Variants in ARHGAP32 observed in about 807,000 individuals in gnomAD.
The protein encoded by ARHGAP32 is rho GTPase-activating protein 32.
In ARHGAP32, 51 loss-of-function variants were observed where a neutral mutation model predicts 186.5. The observed-to-expected ratio is 0.27, with a 90% confidence interval of 0.22 to 0.35. ARHGAP32 has a LOEUF of 0.35. Among genes scored for constraint, ARHGAP32 ranks in the 10% least tolerant of loss-of-function variants. The pLI is 1.00. For missense variants in ARHGAP32, 2,186 were observed against 2,623.5 expected (o/e 0.83, Z 3.64); for synonymous variants, 950 against 964.3 (o/e 0.99, Z 0.27).
intron 1 of ARHGAP32, among the ~76,000 whole-genome samples, chr11:129,214,902 G>A (rs1017329911): frequency 2.6e-5 from 4 of 152,158 alleles, no homozygotes; most frequent in Admixed American, 2.6e-4. Context: ...GCAAATGCAT[G>A]GGCATGGCTG....
chr11:129,037,740 T>A (rs905024477), intron 11 of ARHGAP32, among the ~76,000 whole-genome samples: 1 of 151,868 alleles, frequency 6.6e-6, no homozygotes, highest in South Asian at 2.1e-4. Context: ...TAGGATGACT[T>A]ACACTTCCCC....
intron 15 of ARHGAP32, among the ~76,000 whole-genome samples, chr11:128,985,608 GCAA>G (rs1032516666): frequency 1.3e-5 from 2 of 151,620 alleles, no homozygotes; most frequent in African/African-American, 4.8e-5. Flanking sequence ...TTAAAATGTA[GCAA>G]CAACAATAAA....
intron 10 of ARHGAP32, among the ~76,000 whole-genome samples, chr11:129,049,004 A>G (rs1241006039): frequency 6.6e-6 from 1 of 152,166 alleles, no homozygotes; most frequent in Admixed American, 6.5e-5. Flanking sequence ...CTGGTAAGTG[A>G]GAATAAAGTC....
intron 10 of ARHGAP32, among the ~76,000 whole-genome samples, chr11:129,057,279 G>A (rs973803801): frequency 7.9e-5 from 12 of 152,068 alleles, no homozygotes; most frequent in African/African-American, 2.9e-4. Flanking sequence ...TCATCAGAGA[G>A]ACCCCAAGGA....
intron 2 of ARHGAP32, chr11:129,126,173 C>T (rs555107606): frequency 5.7e-5 from 12 of 211,578 alleles, no homozygotes; most frequent in Non-Finnish European, 7.7e-5. Flanking sequence ...CTAGAAAAAG[C>T]GTTGACAAAC....
intron 1 of ARHGAP32, among the ~76,000 whole-genome samples, chr11:129,216,565 T>C (rs1944648548): frequency 6.6e-6 from 1 of 150,518 alleles, no homozygotes; most frequent in South Asian, 2.1e-4. Context: ...CCCAGCTACT[T>C]GGGAGTAAGG....
At chr11:129,089,154 GA>G (rs1941501993) in intron 6 of ARHGAP32, among the ~76,000 whole-genome samples, 1 of 152,104 alleles carries the variant, frequency 6.6e-6, no homozygotes, top group South Asian at 2.1e-4. Context: ...TCTATGATAA[GA>G]ATTTGTTCTT....
At chr11:129,260,113 G>A (rs565179209) in intron 1 of ARHGAP32, among the ~76,000 whole-genome samples, 10 of 152,258 alleles carry the variant, frequency 6.6e-5, no homozygotes, top group African/African-American at 2.2e-4. Flanking sequence ...ACAACTCACT[G>A]ATTGAACTTT....
rs187426053 is a variant in ARHGAP32, at chr11:129,139,438, C to T, written c.226-14544G>A. Among the ~76,000 whole-genome samples, 20 of 152,244 alleles carry T rather than the reference C, an allele frequency of 1.3e-4. No homozygotes were observed. In the East Asian group the frequency reaches 3.5e-3, roughly 26 times the overall value. ...AGTGAAATTAAAATTTCTAAAATAT[C>T]TGTAATTTCCATTGACAAATGTCAA... On this transcript the variant is annotated intron_variant, in intron 2 of 22. Coordinates refer to ENST00000682385, the MANE Select transcript of ARHGAP32 (RefSeq NM_001378024.1).
chr11:129,084,956 G>A (rs1941337500), intron 6 of ARHGAP32, among the ~76,000 whole-genome samples: 1 of 151,706 alleles, frequency 6.6e-6, no homozygotes, highest in Non-Finnish European at 1.5e-5. Flanking sequence ...CAGAATATAA[G>A]GTTAATATAC....
intron 1 of ARHGAP32, among the ~76,000 whole-genome samples, chr11:129,248,921 G>T (rs1197218366): frequency 6.6e-6 from 1 of 152,156 alleles, no homozygotes; most frequent in Non-Finnish European, 1.5e-5. Flanking sequence ...AATAAAGCAG[G>T]CATGGTCTCT....
Position 129,247,549 on chromosome 11 carries a change from AAT to A in ARHGAP32, c.-5+31595_-5+31596del, listed in dbSNP as rs544949483. Among the ~76,000 whole-genome samples, 216 of 152,352 alleles carry A rather than the reference AAT, an allele frequency of 1.4e-3. 1 individual carries two copies. Among genetic ancestry groups the A allele is most frequent in the African/African-American group, 3.9e-3 (164 of 41,588 alleles). On this transcript the variant is annotated intron_variant, in intron 1 of 6. Transcript: ENST00000525234. ...TGCCTTCAAAGAAATTTATCTTAAA[AAT>A]ATGTTTATTTCATCTTCCAGTTTAT...
In ARHGAP32 at chr11:129,192,098, C is replaced by T; in HGVS notation, c.101G>A (p.Arg34Lys). 6.2e-7 allele frequency: 1 copy of T among 1,613,272 alleles called. No homozygotes were observed. Among genetic ancestry groups the T allele is most frequent in the East Asian group, 2.2e-5 (1 of 44,868 alleles). ...CCATAATCACCTGAACTTCTCTTCC[C>T]TTTCTTCCTCTTCACAGTCAGTCAC... Reference protein sequence around the residue: ...IQVTDCEEEEREEKFRKMKSS... With the variant: ...IQVTDCEEEEKEEKFRKMKSS... Residue 34 changes from arginine (R) to lysine (K), a missense_variant, in exon 1 of 23, where the codon AGG (arginine) becomes AAG (lysine). Transcript: ENST00000682385.
chr11:129,102,606 A>C (rs1332332836), intron 5 of ARHGAP32, among the ~76,000 whole-genome samples: 2 of 152,234 alleles, frequency 1.3e-5, no homozygotes, highest in Non-Finnish European at 2.9e-5. Flanking sequence ...TAAGCACACA[A>C]AAAGATGTTC....
intron 12 of ARHGAP32, among the ~76,000 whole-genome samples, chr11:128,991,245 G>A (rs564769633): frequency 2.0e-5 from 3 of 152,144 alleles, no homozygotes; most frequent in African/African-American, 4.8e-5. Flanking sequence ...CATCTGAATC[G>A]TTTTCTTATA....
rs1376796133 is a variant in ARHGAP32, at chr11:128,969,379, C to T, written c.5834G>A (p.Gly1945Glu). Residue 1945 changes from glycine to glutamate, a missense_variant, in exon 23 of 23, where the codon GGG becomes GAG. Gly to Glu is a moderately conservative substitution (Grantham distance 98). This residue lies in a region of ARHGAP32 where 1,502 missense variants were observed against 1,570.0 expected (regional missense o/e 0.96). Transcript: ENST00000682385. The surrounding 1 kb of genome is among the most constrained non-coding windows in gnomAD (Gnocchi z 4.8). Reference protein sequence around the residue: ...HNSGVKYAASGQESLRLNHKE... With the variant: ...HNSGVKYAASEQESLRLNHKE... ...GTGGTTCAGTCTTAAAGATTCTTGC[C>T]CGGATGCAGCATATTTTACTCCAGA... 1.2e-6 allele frequency: 2 copies of T among 1,614,174 alleles called. No homozygotes were observed. Among genetic ancestry groups the T allele is most frequent in the East Asian group, 2.2e-5 (1 of 44,874 alleles).
intron 1 of ARHGAP32, among the ~76,000 whole-genome samples, chr11:129,181,736 C>T (rs1367967852): frequency 6.6e-6 from 1 of 152,050 alleles, no homozygotes; most frequent in East Asian, 1.9e-4. Flanking sequence ...CAGTTTTGGT[C>T]ACTTCCCACT....
upstream of ARHGAP32, among the ~76,000 whole-genome samples, chr11:129,194,819 A>G (rs1237450234): frequency 6.6e-6 from 1 of 152,066 alleles, no homozygotes; most frequent in East Asian, 1.9e-4. Context: ...TTACCAAAAT[A>G]TTAACTAATT....
upstream of ARHGAP32, among the ~76,000 whole-genome samples, chr11:129,196,464 A>C (rs1944393210): frequency 6.6e-6 from 1 of 152,212 alleles, no homozygotes; most frequent in Admixed American, 6.5e-5. Context: ...TTAAAGTATG[A>C]GAAGATGTGC....
Sources: gnomAD v4.1 joint callset for allele counts (sites outside exome capture counted in the v4.1 genomes callset) on GRCh38, gnomAD v4.1.1 for gene constraint, gnomAD v4.1.1 regional missense constraint, Gnocchi (gnomAD v3.1) non-coding constraint, MANE v1.5 for transcripts, NCBI Gene and HGNC (gene_info 2026-07-23, HGNC 2026-07-21) for gene names.